SI: variants seen among roughly 807,000 people sequenced by gnomAD.
SI encodes sucrase-isomaltase, intestinal.
A neutral mutation model predicts 253.3 loss-of-function variants in SI; 235 were observed. The ratio of observed to expected loss-of-function variants is 0.93; its 90% CI spans 0.83 to 1.03. The LOEUF (loss-of-function observed/expected upper bound fraction) is 1.03, where lower values mean the gene tolerates loss of function less well. SI is among the 50% of genes least tolerant of loss of function. The pLI, the probability that SI is intolerant of heterozygous loss-of-function variation, is 0.00. For missense variants in SI, 2,442 were observed against 2,211.1 expected, an observed-to-expected ratio of 1.10 and a Z score of -2.09; for synonymous variants, 819 against 712.0, an observed-to-expected ratio of 1.15 and a Z score of -2.39.
At chr3:165,040,182 G>A (rs556121143) in intron 18 of SI, among the ~76,000 whole-genome samples, 1 of 151,446 alleles carries the variant, frequency 6.6e-6, no homozygotes, top group Non-Finnish European at 1.5e-5. Context: ...AAGGAAGAAG[G>A]GGGGAGTAGA....
intron 3 of SI, 116 bp from the exon 4 acceptor site, chr3:165,069,311 A>T: frequency 1.4e-6 from 1 of 727,124 alleles, no homozygotes; most frequent in East Asian, 2.7e-5. Flanking sequence ...AATGTATAAT[A>T]TGCCAAAATA....
chr3:165,059,420 A>G (rs962747797), intron 10 of SI, 121 bp from the exon 11 acceptor site: 1 of 974,908 alleles, frequency 1.0e-6, no homozygotes, highest in Admixed American at 2.0e-5. Context: ...ATGAACGTCC[A>G]TCCTTTTCAT....
rs1712303503 is a variant in SI at position 165,032,542 on chromosome 3, T to A, written c.2716A>T (p.Thr906Ser). Reference protein sequence around the residue: ...NQPMNAHSNFTYDASNQVLLI... With the variant: ...NQPMNAHSNFSYDASNQVLLI... Reference sequence around the variant, plus strand: ...ATTACCTGGTTAGAAGCATCATAAGTGAAATTGGAATGAGCGTTCATTGGT... The same window carrying A: ...ATTACCTGGTTAGAAGCATCATAAGAGAAATTGGAATGAGCGTTCATTGGT... The change falls in exon 24 of 48, where the codon ACT becomes TCT. Residue 906 changes from threonine to serine, a missense_variant. Physicochemically the swap from Thr to Ser is moderately conservative, Grantham distance 58. Transcript: ENST00000264382. The A allele has an allele frequency of 1.2e-6, 2 of 1,607,328 alleles. No individual in the cohort carries two copies. The highest frequency in any genetic ancestry group is 1.7e-6 in the Non-Finnish European group (2 of 1,175,454).
chr3:164,990,091 G>GT (rs1283509209), intron 44 of SI, among the ~76,000 whole-genome samples: 3 of 152,086 alleles, frequency 2.0e-5, no homozygotes, highest in Non-Finnish European at 4.4e-5. Context: ...AAGTGTTAGT[G>GT]TTGGTTCAAT....
At position 165,008,011 on chromosome 3, in the gene SI, T is replaced by C. The variant is rs543566681; in HGVS notation, c.4180-13A>G. Reference sequence around the variant, plus strand: ...GCTCATTCATATCCTTAAAAAAAGATGAAAGAAAAAGGTAAACAAAAGATA... The same window carrying C: ...GCTCATTCATATCCTTAAAAAAAGACGAAAGAAAAAGGTAAACAAAAGATA... On this transcript the variant is annotated splice_polypyrimidine_tract_variant and intron_variant, in intron 35 of 47. Coordinates refer to ENST00000264382, the MANE Select transcript of SI (RefSeq NM_001041.4). 1.6e-4 allele frequency: 215 copies of C among 1,386,376 alleles called. 2 individuals are homozygous for C. In the South Asian group the frequency reaches 1.8e-3, roughly 11 times the overall value. The allele number at this position is 1,386,376 out of a possible 1,614,324, so 85.9% of individuals were successfully genotyped here.
intron 44 of SI, among the ~76,000 whole-genome samples, chr3:164,989,927 G>T (rs1382984331): frequency 6.6e-6 from 1 of 152,112 alleles, no homozygotes; most frequent in Non-Finnish European, 1.5e-5. Context: ...GGTTGAAAGA[G>T]CAATGAATAG....
rs531395974 is a variant in SI at position 164,987,142 on chromosome 3, A to G, written c.5193T>C (p.Ser1731=). 121 of 1,610,546 alleles carry G rather than the reference A, an allele frequency of 7.5e-5. 1 individual carries two copies. In the South Asian group the frequency reaches 1.3e-3, roughly 17 times the overall value. Residue 1731 remains serine (S), a synonymous_variant, in exon 45 of 48, where the codon AGT becomes AGC. Transcript: ENST00000264382. ...QGSLFWDDGE[S]IDTYERDLYL... is the part of the protein sequence containing the mutation. ...TCTACTAAATCGAGCACTCACCTAT[A>G]CTCTCTCCATCATCCCAAAACAGAG...
the SI span, among the ~76,000 whole-genome samples, chr3:165,086,281 A>C: frequency 6.6e-6 from 1 of 152,134 alleles, no homozygotes; most frequent in East Asian, 1.9e-4. Flanking sequence ...TAATTGAGAA[A>C]AAAATCCATG....
chr3:165,025,806 C>T (rs1446274697), intron 25 of SI, among the ~76,000 whole-genome samples: 1 of 151,328 alleles, frequency 6.6e-6, no homozygotes, highest in Non-Finnish European at 1.5e-5. Flanking sequence ...TTGTCCACTA[C>T]CAGAATCAGT....
chr3:165,052,516 C>T (rs1286412924), intron 13 of SI, among the ~76,000 whole-genome samples: 1 of 152,002 alleles, frequency 6.6e-6, no homozygotes, highest in African/African-American at 2.4e-5. Flanking sequence ...ATTAGCTGGG[C>T]GTGGTGAAGT....
At chr3:165,040,264 CA>C (rs1712750835) in intron 18 of SI, among the ~76,000 whole-genome samples, 1 of 147,484 alleles carries the variant, frequency 6.8e-6, no homozygotes, top group Admixed American at 6.8e-5. Flanking sequence ...GGGATGGGAA[CA>C]GAGGGAAGGA....
intron 3 of SI, among the ~76,000 whole-genome samples, chr3:165,074,107 AC>A (rs1200246619): frequency 6.6e-6 from 1 of 152,082 alleles, no homozygotes; most frequent in African/African-American, 2.4e-5. Flanking sequence ...TAAATTAAAA[AC>A]AATTAATAAT....
Position 165,065,924 on chromosome 3 carries a change from C to G in SI, c.636-492G>C, listed in dbSNP as rs114526948. ...GTTATGCAGATGAAATATGTACTAC[C>G]AGAAATGCTAAATGATGTTTATGAT... On this transcript the variant is annotated intron_variant, in intron 6 of 47. Transcript: ENST00000264382. Among the ~76,000 whole-genome samples, 433 of 151,878 alleles carry G rather than the reference C, an allele frequency of 2.9e-3. 3 individuals are homozygous for G. Among genetic ancestry groups the G allele is most frequent in the African/African-American group, 0.01 (417 of 41,494 alleles).
At chr3:165,026,193 G>A (rs1402503841) in intron 25 of SI, among the ~76,000 whole-genome samples, 1 of 151,132 alleles carries the variant, frequency 6.6e-6, no homozygotes, top group Non-Finnish European at 1.5e-5. Flanking sequence ...TTTTATATCA[G>A]ACAAAACAAA....
intron 3 of SI, among the ~76,000 whole-genome samples, chr3:165,073,335 T>A (rs989446339): frequency 6.6e-6 from 1 of 151,878 alleles, no homozygotes; most frequent in African/African-American, 2.4e-5. Flanking sequence ...CTAAGAAGGT[T>A]AAGTAAAGAG....
Position 165,068,710 on chromosome 3 carries a change from T to TA in SI, c.483+11dup. 3.1e-6 allele frequency: 5 copies of TA among 1,601,292 alleles called. No homozygotes were observed. The highest frequency in any genetic ancestry group is 4.3e-6 in the Non-Finnish European group (5 of 1,168,388). ...TTTAGTATTAAATCTTTGGAAACCT[T>TA]AAAAACCGAACCTTGAACCGGAAAC... On this transcript the variant is annotated intron_variant, in intron 5 of 47. Transcript: ENST00000264382.
chr3:165,021,286 T>C lies in SI; in HGVS notation c.3197A>G (p.Glu1066Gly), dbSNP rs760887527. 5.6e-6 allele frequency: 9 copies of C among 1,611,598 alleles called. No homozygotes were observed. The East Asian group carries it at 1.6e-4, about 28-fold the overall frequency. ...GATGCCAAAAGGATTTTCCTTGATT[T>C]CCACATCATAAAGTCTGTCTTCATA... ...STYEDRLYDV[E>G]IKENPFGIQI... is the part of the protein sequence containing the mutation. Residue 1066 changes from glutamate (E) to glycine (G), a missense_variant, in exon 27 of 48, where the codon GAA (glutamate) becomes GGA (glycine). Physicochemically the swap from Glu to Gly is moderately conservative, Grantham distance 98. Coordinates refer to ENST00000264382, the MANE Select transcript of SI (RefSeq NM_001041.4).
intron 44 of SI, among the ~76,000 whole-genome samples, chr3:164,990,052 C>G (rs554846297): frequency 6.6e-6 from 1 of 151,870 alleles, no homozygotes; most frequent in South Asian, 2.1e-4. Context: ...AACAGTGAAC[C>G]CTAATGTAAA....
chr3:165,082,890 A>G (rs1269003859), upstream of SI, among the ~76,000 whole-genome samples: 2 of 151,972 alleles, frequency 1.3e-5, no homozygotes, highest in Non-Finnish European at 2.9e-5. Flanking sequence ...GGCTTATTAT[A>G]GGATTTAGAC....
Sources: gnomAD v4.1 joint callset for allele counts (sites outside exome capture counted in the v4.1 genomes callset) on GRCh38, gnomAD v4.1.1 for gene constraint, MANE v1.5 for transcripts, NCBI Gene and HGNC (gene_info 2026-07-23, HGNC 2026-07-21) for gene names.